Variants in THSD7B observed in about 807,000 individuals in gnomAD.
THSD7B encodes thrombospondin type-1 domain-containing protein 7B.
Under a neutral mutation model 213.6 loss-of-function variants are expected in THSD7B, and 138 were observed. The observed-to-expected ratio is 0.65, with a 90% confidence interval of 0.56 to 0.74. THSD7B has a LOEUF of 0.74. Ranked by LOEUF, THSD7B falls within the 30% of genes least tolerant of loss-of-function variation. THSD7B has a pLI of 0.00. For missense variants in THSD7B, 1,931 were observed against 1,991.5 expected (o/e 0.97, Z 0.58); for synonymous variants, 742 against 687.0 (o/e 1.08, Z -1.25).
At chr2:137,658,561 TG>T (rs1299596497) in intron 24 of THSD7B, among the ~76,000 whole-genome samples, 1 of 152,212 alleles carries the variant, frequency 6.6e-6, no homozygotes, top group Non-Finnish European at 1.5e-5. Context: ...TGGAGATCCC[TG>T]GTTGAAAGAA....
chr2:137,251,470 C>G (rs1228527110), intron 10 of THSD7B, among the ~76,000 whole-genome samples: 4 of 152,116 alleles, frequency 2.6e-5, no homozygotes, highest in Admixed American at 2.6e-4. Flanking sequence ...AAAGTCATTT[C>G]CCACTCGTGC....
intron 2 of THSD7B, among the ~76,000 whole-genome samples, chr2:137,009,567 G>A (rs1288743520): frequency 1.3e-5 from 2 of 152,122 alleles, no homozygotes; most frequent in Non-Finnish European, 2.9e-5. Flanking sequence ...GGCTGAGGAG[G>A]CCTCATAATC....
intron 1 of THSD7B, among the ~76,000 whole-genome samples, chr2:136,807,813 G>T (rs1463431467): frequency 2.6e-5 from 4 of 152,024 alleles, no homozygotes; most frequent in African/African-American, 9.7e-5. Context: ...GCCACAAAAT[G>T]TTTCTAGCTA....
chr2:137,062,849 C>G (rs931922453), intron 3 of THSD7B, among the ~76,000 whole-genome samples: 2 of 151,812 alleles, frequency 1.3e-5, no homozygotes, highest in Admixed American at 1.3e-4. Flanking sequence ...TTCAGTTCAA[C>G]TATGTTCTTA....
chr2:137,440,893 C>T (rs2105053304), intron 14 of THSD7B, among the ~76,000 whole-genome samples: 1 of 152,104 alleles, frequency 6.6e-6, no homozygotes, highest in Admixed American at 6.5e-5. Flanking sequence ...TTCTGAATCC[C>T]ATGAGACACA....
At chr2:136,908,294 G>T (rs1428774831) in intron 2 of THSD7B, among the ~76,000 whole-genome samples, 2 of 152,092 alleles carry the variant, frequency 1.3e-5, no homozygotes, top group Non-Finnish European at 1.5e-5. Flanking sequence ...ATGTTGATTG[G>T]CCAGTTGTTA....
chr2:137,519,491 G>T (rs1680138699), intron 15 of THSD7B, among the ~76,000 whole-genome samples: 1 of 152,130 alleles, frequency 6.6e-6, no homozygotes, highest in Admixed American at 6.5e-5. Context: ...CAGAACTTGG[G>T]CTCCCACTGC....
intron 2 of THSD7B, among the ~76,000 whole-genome samples, chr2:136,956,979 C>G (rs1330631991): frequency 1.3e-5 from 2 of 152,082 alleles, no homozygotes; most frequent in African/African-American, 4.8e-5. Flanking sequence ...TGTCCAGCCC[C>G]CATAAGAATT....
chr2:137,669,404 T>TATA (rs61507683), intron 27 of THSD7B, among the ~76,000 whole-genome samples: 1 of 151,950 alleles, frequency 6.6e-6, no homozygotes, highest in African/African-American at 2.4e-5. Context: ...TAGTGAAAAG[T>TATA]TCATCTTCAG....
At chr2:137,244,251 G>A (rs751711908) in intron 10 of THSD7B, among the ~76,000 whole-genome samples, 6 of 152,174 alleles carry the variant, frequency 3.9e-5, no homozygotes, top group Non-Finnish European at 8.8e-5. Context: ...ATGGAGTTTT[G>A]TTGATATTTA....
At chr2:137,522,992 T>C (rs1680215295) in intron 15 of THSD7B, among the ~76,000 whole-genome samples, 2 of 152,218 alleles carry the variant, frequency 1.3e-5, no homozygotes, top group Non-Finnish European at 2.9e-5. Flanking sequence ...TAAACAGACA[T>C]GTATGTTTTG....
chr2:136,861,568 A>T (rs868193206), intron 1 of THSD7B, among the ~76,000 whole-genome samples: 2 of 152,170 alleles, frequency 1.3e-5, no homozygotes, highest in South Asian at 4.1e-4. Context: ...TTGTTTTCCC[A>T]TGAATCTGGT....
rs535024209 is a variant in THSD7B, at chr2:136,899,800, A to G, written c.139+17483A>G. On this transcript the variant is annotated intron_variant, in intron 2 of 27. Transcript: ENST00000409968. ...TATTATAAGCTGATTTTAAAAATCA[A>G]TAATTGCATAATTCAAATGAAGTAT... 5.5e-4 allele frequency among the ~76,000 whole-genome samples: 84 copies of G among 152,328 alleles called. 4 individuals carry two copies. In the South Asian group the frequency reaches 0.017, roughly 31 times the overall value.
Position 137,132,163 on chromosome 2 carries a change from A to G in THSD7B, c.1369+16870A>G, listed in dbSNP as rs1249394163. On this transcript the variant is annotated intron_variant, in intron 5 of 27. Coordinates refer to ENST00000409968, the MANE Select transcript of THSD7B (RefSeq NM_001316349.2). ...AGCAATTGTGAATGGCAGTTCACTC[A>G]TGATTTGGCTCTCTGTTTGTCTGTT... Among the ~76,000 whole-genome samples, 22 of 150,960 alleles carry G rather than the reference A, an allele frequency of 1.5e-4. No individual in the cohort carries two copies. The Admixed American group carries it at 1.5e-3, about 10-fold the overall frequency.
intron 27 of THSD7B, among the ~76,000 whole-genome samples, chr2:137,669,508 A>G (rs1229352309): frequency 6.6e-6 from 1 of 152,216 alleles, no homozygotes; most frequent in African/African-American, 2.4e-5. Flanking sequence ...CTTTTAATGA[A>G]CAAATGTGAA....
intron 1 of THSD7B, among the ~76,000 whole-genome samples, chr2:136,820,848 T>C (rs1682553735): frequency 6.6e-6 from 1 of 152,070 alleles, no homozygotes; most frequent in Admixed American, 6.6e-5. Flanking sequence ...GCACTAAATA[T>C]ACCAGTATCT....
intron 9 of THSD7B, among the ~76,000 whole-genome samples, chr2:137,237,849 GA>G (rs1681802899): frequency 6.6e-6 from 1 of 152,196 alleles, no homozygotes; most frequent in Admixed American, 6.5e-5. Flanking sequence ...ATTGGCAGGG[GA>G]AGTGACAAAA....
At chr2:137,518,085 T>C (rs576808199) in intron 15 of THSD7B, among the ~76,000 whole-genome samples, 4 of 152,118 alleles carry the variant, frequency 2.6e-5, no homozygotes, top group East Asian at 3.9e-4. Context: ...ATATATGTGA[T>C]TGGGCTCAAG....
At chr2:137,675,425 T>C (rs1683677264) in intron 27 of THSD7B, among the ~76,000 whole-genome samples, 1 of 133,548 alleles carries the variant, frequency 7.5e-6, no homozygotes, top group Non-Finnish European at 1.6e-5. Flanking sequence ...TATATATATA[T>C]ATATATATAT....
Sources: gnomAD v4.1 joint callset for allele counts (sites outside exome capture counted in the v4.1 genomes callset) on GRCh38, gnomAD v4.1.1 for gene constraint, MANE v1.5 for transcripts, NCBI Gene and HGNC (gene_info 2026-07-23, HGNC 2026-07-21) for gene names.